Variants in USP16 observed in about 807,000 individuals in gnomAD.
USP16 encodes ubiquitin carboxyl-terminal hydrolase 16.
USP16 carries 77 observed loss-of-function variants against 95.9 expected under a neutral mutation model. The ratio of observed to expected loss-of-function variants is 0.80; its 90% confidence interval spans 0.67 to 0.97. The LOEUF is 0.97. Among genes scored for constraint, USP16 ranks in the 50% least tolerant of loss-of-function variants. The pLI, the probability that USP16 is intolerant of heterozygous loss-of-function variation, is 0.00. For missense variants in USP16, 943 were observed against 959.9 expected (o/e 0.98, Z 0.23); for synonymous variants, 303 against 318.2 (o/e 0.95, Z 0.51).
At chr21:29,052,392 G>C (rs2085429466) in intron 16 of USP16, 1 of 152,414 alleles carries the variant, frequency 6.6e-6, no homozygotes, top group Non-Finnish European at 1.5e-5. Flanking sequence ...AGGCAAGGAG[G>C]AGCACGTCAC....
intron 2 of USP16, 149 bp downstream of exon 2, chr21:29,028,123 CTT>C (rs35801969): frequency 5.0e-3 from 2,134 of 425,928 alleles, no homozygotes; most frequent in East Asian, 0.011. Flanking sequence ...TAGTCTTCTA[CTT>C]TTTTTTTTTT....
intron 2 of USP16, among the ~76,000 whole-genome samples, chr21:29,029,938 A>G (rs1443836946): frequency 6.6e-6 from 1 of 152,198 alleles, no homozygotes; most frequent in Non-Finnish European, 1.5e-5. Flanking sequence ...ATTAAATGGG[A>G]TAATGTATTC....
rs1369355276 is a variant in USP16, at chr21:29,036,411, C to T, written c.448+37C>T. ...TGTTTCTTTAATATACACCAAATGT[C>T]GATTTGTGTATCTGCTGATACTTAG... On this transcript the variant is annotated intron_variant, in intron 5 of 17. Transcript: ENST00000399976. 3.8e-6 allele frequency: 6 copies of T among 1,572,708 alleles called. 1 individual carries two copies. In the Middle Eastern group the frequency reaches 6.7e-4, roughly 175 times the overall value.
chr21:29,029,184 C>T (rs879868779), intron 2 of USP16, among the ~76,000 whole-genome samples: 7 of 152,220 alleles, frequency 4.6e-5, no homozygotes, highest in Admixed American at 3.3e-4. Context: ...GAGGCCAAGG[C>T]GGGCAGATCA....
chr21:29,038,948 T>A lies in USP16; in HGVS notation c.733-78T>A, dbSNP rs190072910. On this transcript the variant is annotated intron_variant, in intron 7 of 17. Coordinates refer to ENST00000399976, the MANE Select transcript of USP16 (RefSeq NM_006447.3). ...TTCTGTCAGGAACATTGGTAGTATATGTTAACTAATTAGATTTTAGTAAAG... is the reference window on the plus strand; with the variant it reads ...TTCTGTCAGGAACATTGGTAGTATAAGTTAACTAATTAGATTTTAGTAAAG... 48 of 1,359,756 alleles carry A rather than the reference T, an allele frequency of 3.5e-5. No homozygotes were observed. In the African/African-American group the frequency reaches 6.9e-4, roughly 19 times the overall value. 84.2% of individuals were successfully genotyped at this position (1,359,756 alleles called of 1,614,324 possible). A position where few individuals can be genotyped will look rare whatever the true frequency, so the allele number is the denominator to read the frequency against.
chr21:29,028,959 T>C (rs1411426846), intron 2 of USP16, among the ~76,000 whole-genome samples: 1 of 152,218 alleles, frequency 6.6e-6, no homozygotes, highest in Non-Finnish European at 1.5e-5. Context: ...GGTGTAAACA[T>C]TTTTAAGACT....
chr21:29,047,010 A>G lies in USP16; in HGVS notation c.1700A>G (p.Asn567Ser), dbSNP rs778242626. Residue 567 changes from asparagine to serine, a missense_variant, in exon 14 of 18, where the codon AAT becomes AGT. Coordinates refer to ENST00000399976, the MANE Select transcript of USP16 (RefSeq NM_006447.3). ...GGTGCCTACCTAACGGAAGGGAGCA[A>G]TGGAGAAGTGGACATTTCCAATGGT... The part of the protein sequence containing the change: ...LNGAYLTEGS[N>S]GEVDISNGFK... The G allele has an allele frequency of 3.0e-5, 48 of 1,614,032 alleles. No individual in the cohort carries two copies. The South Asian group carries it at 3.8e-4, about 13-fold the overall frequency.
chr21:29,042,421 G>A (rs1175515403), intron 11 of USP16, 51 bp from the exon 12 acceptor site: 25 of 1,553,454 alleles, frequency 1.6e-5, no homozygotes, highest in African/African-American at 2.8e-5. Context: ...ATCTTACTAT[G>A]TAACATTTAC....
At chr21:29,035,089 T>G (rs1480785789) in intron 4 of USP16, 149 bp downstream of exon 4, 1 of 697,768 alleles carries the variant, frequency 1.4e-6, no homozygotes, top group Non-Finnish European at 2.3e-6. Context: ...AAGAATGCAG[T>G]ATTATGAGAA....
At position 29,031,646 on chromosome 21, in the gene USP16, C is replaced by T. The variant is rs142855561; in HGVS notation, c.240+873C>T. 5.8e-3 allele frequency among the ~76,000 whole-genome samples: 884 copies of T among 152,320 alleles called. 6 individuals carry two copies. The highest frequency in any genetic ancestry group is 0.02 in the African/African-American group (823 of 41,556). On this transcript the variant is annotated intron_variant, in intron 3 of 17. Transcript: ENST00000399976. ...AGAGACAGGGTTTTGCCATGTTGGCCAGGCTGGTCTCAAACTCCTGATTTC... is the reference window on the plus strand; with the variant it reads ...AGAGACAGGGTTTTGCCATGTTGGCTAGGCTGGTCTCAAACTCCTGATTTC...
At position 29,038,396 on chromosome 21, in the gene USP16, T is replaced by A; in HGVS notation, c.698T>A (p.Ile233Asn). ...LLKEVKMSGTIVKIEPPDLAL... is the reference protein window; with the variant it reads ...LLKEVKMSGTNVKIEPPDLAL... ...AAAGAAGTGAAAATGTCTGGAACAA[T>A]TGTAAAAATTGAACCACCTGATTTG... is the stretch of plus-strand genomic sequence containing the variant. The change falls in exon 7 of 18, where the codon ATT becomes AAT. Residue 233 changes from isoleucine to asparagine, a missense_variant. Ile to Asn is a moderately radical substitution (Grantham distance 149). Transcript: ENST00000399976. 3 of 1,612,950 alleles carry A rather than the reference T, an allele frequency of 1.9e-6. 1 individual carries two copies. The South Asian group carries it at 3.3e-5, about 18-fold the overall frequency.
In USP16 at chr21:29,039,603, T is replaced by G. The variant is rs1293711390; in HGVS notation, c.951+35T>G. On this transcript the variant is annotated intron_variant, in intron 9 of 17. Transcript: ENST00000399976. ...TTATGACCATTGTATTTTATGATCT[T>G]ATCTTCATAAGCTTTCTGTCTCATT... 3.2e-6 allele frequency: 5 copies of G among 1,584,722 alleles called. No homozygotes were observed. The South Asian group carries it at 5.6e-5, about 18-fold the overall frequency.
chr21:29,048,048 CGTGTGTGTGTGT>C (rs67919060), intron 14 of USP16, among the ~76,000 whole-genome samples: 5,023 of 123,780 alleles, frequency 0.041, 146 homozygotes, highest in African/African-American at 0.082. Flanking sequence ...AGAGACGATA[CGTGTGTGTGTGT>C]GTGTGTGTGT....
chr21:29,047,124 T>C lies in USP16; in HGVS notation c.1814T>C (p.Val605Ala), dbSNP rs757622839. 1 of 1,613,948 alleles carries C rather than the reference T, an allele frequency of 6.2e-7. No homozygotes were observed. The highest frequency in any genetic ancestry group is 8.5e-7 in the Non-Finnish European group (1 of 1,179,978). ...LNDSHTPGTK[V>A]YEVVNEDPET... is the part of the protein sequence containing the mutation. ...GATAGTCATACTCCTGGAACAAAGG[T>C]GTATGAGGTTGTAAATGAAGATCCA... The change falls in exon 14 of 18, where the codon GTG becomes GCG. Residue 605 changes from valine (V) to alanine (A), a missense_variant. Transcript: ENST00000399976.
At position 29,042,002 on chromosome 21, in the gene USP16, T is replaced by C. The variant is rs1047925987; in HGVS notation, c.1031-11T>C. ...GTAATTGGTAATTGATAGACTTTTT[T>C]TTCTCCATAGATTATGAGAAGAAAA... On this transcript the variant is annotated splice_polypyrimidine_tract_variant and intron_variant, in intron 10 of 17. Transcript: ENST00000399976. 1.9e-6 allele frequency: 3 copies of C among 1,610,224 alleles called. No homozygotes were observed. The highest frequency in any genetic ancestry group is 1.3e-5 in the African/African-American group (1 of 74,788).
chr21:29,040,585 A>G (rs1411686112), intron 9 of USP16, 24 bp from the exon 10 acceptor site: 4 of 1,140,878 alleles, frequency 3.5e-6, no homozygotes, highest in Admixed American at 4.8e-5. Context: ...AATAGTATAT[A>G]TATATCCATT....
chr21:29,047,398 A>AT (rs1384832109), intron 14 of USP16, 77 bp downstream of exon 14: 1 of 1,433,578 alleles, frequency 7.0e-7, no homozygotes, highest in Non-Finnish European at 9.4e-7. Flanking sequence ...AGTACTCCTA[A>AT]TTGTATCAGG....
In USP16 at chr21:29,027,947, C is replaced by G. The variant is rs773973301; in HGVS notation, c.34C>G (p.Pro12Ala). Residue 12 changes from proline to alanine, a missense_variant, in exon 2 of 18, where the codon CCA becomes GCA. Coordinates refer to ENST00000399976, the MANE Select transcript of USP16 (RefSeq NM_006447.3). ...GKKRTKGKTV[P>A]IDDSSETLEP... is the part of the protein sequence containing the mutation. ...GAAACGGACAAAGGGAAAAACTGTT[C>G]CAATCGATGATTCCTCTGAAACTTT... The G allele has an allele frequency of 1.2e-6, 2 of 1,613,242 alleles. No homozygotes were observed. Among genetic ancestry groups the G allele is most frequent in the South Asian group, 1.1e-5 (1 of 91,032 alleles).
At chr21:29,049,013 T>C (rs1197894215) in intron 15 of USP16, among the ~76,000 whole-genome samples, 158 bp downstream of exon 15, 3 of 152,206 alleles carry the variant, frequency 2.0e-5, no homozygotes, top group Non-Finnish European at 4.4e-5. Flanking sequence ...ACATAGGGGC[T>C]AGGCAGAGGC....
Sources: allele counts gnomAD v4.1 joint callset (sites outside exome capture counted in the v4.1 genomes callset), GRCh38; gene constraint gnomAD v4.1.1; transcripts MANE v1.5; gene names NCBI Gene and HGNC (gene_info 2026-07-23, HGNC 2026-07-21).